PRKAG2: variants seen among roughly 807,000 people sequenced by gnomAD.
PRKAG2 encodes 5'-AMP-activated protein kinase subunit gamma-2.
In PRKAG2, 26 loss-of-function variants were observed where a neutral mutation model predicts 69.6. That is an observed-to-expected ratio of 0.37 (90% CI 0.27 to 0.52). The LOEUF (loss-of-function observed/expected upper bound fraction) is 0.52. Among genes scored for constraint, PRKAG2 ranks in the 20% least tolerant of loss-of-function variants. The probability of loss-of-function intolerance (pLI) is 0.90; values close to 1 mark genes in which losing one functional copy is unlikely to be tolerated. For synonymous variants in PRKAG2, 293 were observed against 285.0 expected (o/e 1.03, Z -0.28); for missense variants, 557 against 740.0 (o/e 0.75, Z 2.87).
chr7:151,869,761 C>T (rs1449338584), intron 1 of PRKAG2, among the ~76,000 whole-genome samples: 2 of 152,274 alleles, frequency 1.3e-5, no homozygotes, highest in African/African-American at 4.8e-5. Flanking sequence ...CTGATCAGCC[C>T]TCTCACACCC....
At chr7:151,725,167 G>A (rs1400771906) in intron 3 of PRKAG2, among the ~76,000 whole-genome samples, 1 of 152,100 alleles carries the variant, frequency 6.6e-6, no homozygotes, top group Non-Finnish European at 1.5e-5. Context: ...TGAACAAAAT[G>A]GGGTCCACAT....
At chr7:151,620,702 A>T (rs7795006) in intron 5 of PRKAG2, among the ~76,000 whole-genome samples, 3,496 of 150,908 alleles carry the variant, frequency 0.023, 136 homozygotes, top group African/African-American at 0.08. Flanking sequence ...CTGGTCTTGA[A>T]CTCCTGGCTT....
At chr7:151,725,051 G>A (rs1015124818) in intron 3 of PRKAG2, among the ~76,000 whole-genome samples, 2 of 152,074 alleles carry the variant, frequency 1.3e-5, no homozygotes, top group African/African-American at 4.8e-5. Context: ...GCCCCTTCAC[G>A]GGCCAACAGG....
At chr7:151,594,679 G>A (rs1342372871) in intron 6 of PRKAG2, among the ~76,000 whole-genome samples, 1 of 152,198 alleles carries the variant, frequency 6.6e-6, no homozygotes, top group Non-Finnish European at 1.5e-5. Flanking sequence ...AGGCCATACA[G>A]TTTAATAATG....
chr7:151,862,451 G>A (rs934265571), intron 1 of PRKAG2, among the ~76,000 whole-genome samples: 2 of 152,148 alleles, frequency 1.3e-5, no homozygotes, highest in African/African-American at 2.4e-5. Flanking sequence ...TTGGGTCGTC[G>A]AGTTAACTAA....
rs962104041 is a variant in PRKAG2, at chr7:151,876,773, G to A, written c.-153C>T. 7 of 770,778 alleles carry A rather than the reference G, an allele frequency of 9.1e-6. No homozygotes were observed. Among genetic ancestry groups the A allele is most frequent in the Middle Eastern group, 2.7e-4 (1 of 3,690 alleles). The allele number at this position is 770,778 out of a possible 1,614,324, so 47.7% of individuals were successfully genotyped here. A position where few individuals can be genotyped will look rare whatever the true frequency, so the allele number is the denominator to read the frequency against. The stretch of plus-strand genomic sequence containing the variant: ...TCCGCGGAGAGGGAGGGTGAGCAGG[G>A]AACTCGCGCGGCCGCCGCCGCCGCC... On this transcript the variant is annotated 5_prime_UTR_variant, in exon 1 of 16. Coordinates refer to ENST00000287878, the MANE Select transcript of PRKAG2 (RefSeq NM_016203.4).
chr7:151,736,341 T>C, intron 3 of PRKAG2: 2 of 1,104,252 alleles, frequency 1.8e-6, no homozygotes, highest in Non-Finnish European at 2.2e-6. Flanking sequence ...AGGGGATTTG[T>C]TGATGTAGTT....
intron 1 of PRKAG2, among the ~76,000 whole-genome samples, chr7:151,800,328 A>G (rs1259979949): frequency 6.7e-6 from 1 of 149,214 alleles, no homozygotes. Context: ...ACTGCACTCC[A>G]GCCTGGGCGA....
chr7:151,820,051 A>T (rs1476831154), intron 1 of PRKAG2, among the ~76,000 whole-genome samples: 1 of 152,238 alleles, frequency 6.6e-6, no homozygotes, highest in Non-Finnish European at 1.5e-5. Context: ...GATAAGGAAG[A>T]GATATGCCTA....
chr7:151,658,206 G>T (rs1275157802), intron 4 of PRKAG2, among the ~76,000 whole-genome samples: 1 of 91,622 alleles, frequency 1.1e-5, no homozygotes, highest in African/African-American at 3.9e-5. Flanking sequence ...AGAATAATAG[G>T]GCTGGGTGCA....
intron 3 of PRKAG2, among the ~76,000 whole-genome samples, chr7:151,683,947 C>T (rs1395174441): frequency 2.6e-5 from 4 of 152,196 alleles, no homozygotes; most frequent in Non-Finnish European, 5.9e-5. Flanking sequence ...AATGTTTTGG[C>T]CCTTTCTCAG....
rs1394415209 is a variant in PRKAG2, at chr7:151,559,437, G to C, written c.1678+1087C>G. ...GTGACTGCACCAGGCCCCATTTCTA[G>C]AGTTTCTGATTCAGTGGATATGGGA... On this transcript the variant is annotated intron_variant, in intron 15 of 15. Transcript: ENST00000287878. 3 of 985,274 alleles carry C rather than the reference G, an allele frequency of 3.0e-6. No individual in the cohort carries two copies. In the African/African-American group the frequency reaches 5.2e-5, roughly 17 times the overall value. 61.0% of individuals were successfully genotyped at this position (985,274 alleles called of 1,614,324 possible).
At position 151,777,658 on chromosome 7, in the gene PRKAG2, G is replaced by A. The variant is rs375449304; in HGVS notation, c.466+3494C>T. On this transcript the variant is annotated intron_variant, in intron 3 of 15. Transcript: ENST00000287878. This position sits in a 1 kb window ranked among gnomAD's most constrained non-coding sequence, Gnocchi z 4.3. ...CGACAGCAGGAGAAGGTCCAGCCTG[G>A]CCCACTCCATCCTGCATCCAGCCTC... Among the ~76,000 whole-genome samples, 22 of 152,208 alleles carry A rather than the reference G, an allele frequency of 1.4e-4. No homozygotes were observed. Among genetic ancestry groups the A allele is most frequent in the Non-Finnish European group, 2.5e-4 (17 of 68,040 alleles).
intron 4 of PRKAG2, among the ~76,000 whole-genome samples, chr7:151,645,074 A>G (rs1255090492): frequency 1.3e-5 from 2 of 152,156 alleles, no homozygotes; most frequent in African/African-American, 2.4e-5. Flanking sequence ...ATGGCCCCCA[A>G]TGCATGATCC....
intron 3 of PRKAG2, chr7:151,736,170 AG>A: frequency 7.0e-7 from 1 of 1,434,042 alleles, no homozygotes. Context: ...CGTCCTCACC[AG>A]GGGGTCTTCA....
intron 1 of PRKAG2, among the ~76,000 whole-genome samples, chr7:151,874,219 G>GATGTATATGTATATGATGTAT (rs1563772685): frequency 1.7e-5 from 2 of 121,042 alleles, no homozygotes; most frequent in Non-Finnish European, 1.6e-5. Flanking sequence ...ATATGTATAT[G>GATGTATATGTATATGATGTAT]ATGTATATGT....
intron 1 of PRKAG2, among the ~76,000 whole-genome samples, chr7:151,843,174 C>T (rs945028836): frequency 7.9e-5 from 12 of 152,090 alleles, no homozygotes; most frequent in Non-Finnish European, 1.5e-4. Context: ...TTGATATAAA[C>T]CTACACACAG....
chr7:151,796,237 T>C (rs974196454), intron 1 of PRKAG2, among the ~76,000 whole-genome samples: 38 of 152,098 alleles, frequency 2.5e-4, no homozygotes, highest in African/African-American at 6.7e-4. Context: ...ATGGGTCTGC[T>C]CAGTCATCGG....
chr7:151,597,537 G>A lies in PRKAG2; in HGVS notation c.755-2083C>T, dbSNP rs1814848703. ...TTGCAAACTATACATCTGATAAAGGGTTAATATCCAAAACAGATTAGGAAC... is the reference window on the plus strand; with the variant it reads ...TTGCAAACTATACATCTGATAAAGGATTAATATCCAAAACAGATTAGGAAC... On this transcript the variant is annotated intron_variant, in intron 5 of 15. Transcript: ENST00000287878. Among the ~76,000 whole-genome samples, 5 of 152,040 alleles carry A rather than the reference G, an allele frequency of 3.3e-5. No individual in the cohort carries two copies. The South Asian group carries it at 8.3e-4, about 25-fold the overall frequency.
Sources: gnomAD v4.1 joint callset for allele counts (sites outside exome capture counted in the v4.1 genomes callset) on GRCh38, gnomAD v4.1.1 for gene constraint, Gnocchi (gnomAD v3.1) non-coding constraint, MANE v1.5 for transcripts, NCBI Gene and HGNC (gene_info 2026-07-23, HGNC 2026-07-21) for gene names.